RFTN1: variants seen among roughly 807,000 people sequenced by gnomAD.
RFTN1 encodes the protein raftlin, lipid raft linker 1.
Under a neutral mutation model 46.5 loss-of-function variants are expected in RFTN1, and 26 were observed. That is an observed-to-expected ratio of 0.56 (90% CI 0.41 to 0.78). RFTN1 has a LOEUF of 0.78. Ranked by LOEUF, RFTN1 falls within the 30% of genes least tolerant of loss-of-function variation. The pLI is 0.00. For missense variants in RFTN1, 693 were observed against 718.7 expected (o/e 0.96, Z 0.41); for synonymous variants, 261 against 284.2 (o/e 0.92, Z 0.82).
At position 16,334,481 on chromosome 3, in the gene RFTN1, A is replaced by G. The variant is rs2125259803; in HGVS notation, c.1147-7605T>C. ...CACTGGAGAGCGGTCTGCAGTAGCA[A>G]GACACTGGAAACTACTCAAGTGCCC... On this transcript the variant is annotated intron_variant, in intron 7 of 9. Transcript: ENST00000334133. This position sits in a 1 kb window ranked among gnomAD's most constrained non-coding sequence, Gnocchi z 4.3. Among the ~76,000 whole-genome samples the G allele has an allele frequency of 6.6e-6, 1 of 152,346 alleles. No homozygotes were observed. Among genetic ancestry groups the G allele is most frequent in the Middle Eastern group, 3.4e-3 (1 of 294 alleles).
intron 7 of RFTN1, among the ~76,000 whole-genome samples, chr3:16,350,862 A>G (rs9816331): frequency 0.018 from 2,742 of 152,328 alleles, 79 homozygotes; most frequent in African/African-American, 0.063. Context: ...CTGTGGCAAT[A>G]GAAGAAAAAA....
Position 16,481,129 on chromosome 3 carries a change from A to T in RFTN1, c.145+12596T>A, listed in dbSNP as rs1431757223. On this transcript the variant is annotated intron_variant, in intron 2 of 9. Coordinates refer to ENST00000334133, the MANE Select transcript of RFTN1 (RefSeq NM_015150.2). The surrounding 1 kb of genome is among the most constrained non-coding windows in gnomAD (Gnocchi z 5.1). ...TGAAGAGTTTTTACATTCAGAAAGG[A>T]ATGCAAAGGAATGTAAAGAATGCCT... Among the ~76,000 whole-genome samples the T allele has an allele frequency of 6.6e-6, 1 of 152,140 alleles. No individual in the cohort carries two copies. The highest frequency in any genetic ancestry group is 2.4e-5 in the African/African-American group (1 of 41,426).
intron 1 of RFTN1, among the ~76,000 whole-genome samples, chr3:16,505,697 G>A (rs187785855): frequency 8.8e-4 from 134 of 152,254 alleles, no homozygotes; most frequent in African/African-American, 3.2e-3. Context: ...AGGGTGATCT[G>A]CTTTACTCCA....
rs560967579 is a variant in RFTN1, at chr3:16,468,196, C to G, written c.145+25529G>C. 6.6e-6 allele frequency among the ~76,000 whole-genome samples: 1 copy of G among 152,196 alleles called. No individual in the cohort carries two copies. The highest frequency in any genetic ancestry group is 1.5e-5 in the Non-Finnish European group (1 of 68,030). On this transcript the variant is annotated intron_variant, in intron 2 of 9. Coordinates refer to ENST00000334133, the MANE Select transcript of RFTN1 (RefSeq NM_015150.2). The surrounding 1 kb of genome is among the most constrained non-coding windows in gnomAD (Gnocchi z 4.4). ...AGCACACTTCACTCTCTAGAAATTC[C>G]GTCGGCTTAATTTATGTGGCTCATT...
intron 3 of RFTN1, among the ~76,000 whole-genome samples, chr3:16,431,345 G>A (rs1379379920): frequency 5.3e-5 from 8 of 152,206 alleles, no homozygotes; most frequent in East Asian, 1.9e-4. Context: ...TGCGTGCCAC[G>A]GACCATCAGC....
rs566953563 is a variant in RFTN1, at chr3:16,381,313, T to C, written c.442-3211A>G. On this transcript the variant is annotated intron_variant, in intron 4 of 9. Coordinates refer to ENST00000334133, the MANE Select transcript of RFTN1 (RefSeq NM_015150.2). This position sits in a 1 kb window ranked among gnomAD's most constrained non-coding sequence, Gnocchi z 4.2. ...TTTACTTAAGGGGCATGGATGTTAC[T>C]TTTAGAATTGAAAAAGTAAATATTG... Among the ~76,000 whole-genome samples, 1 of 152,336 alleles carries C rather than the reference T, an allele frequency of 6.6e-6. No individual in the cohort carries two copies. Among genetic ancestry groups the C allele is most frequent in the Admixed American group, 6.5e-5 (1 of 15,304 alleles).
chr3:16,326,867 C>T lies in RFTN1; in HGVS notation c.1156G>A (p.Val386Met). ...EQWTVLEGVE[V>M]QTDYVPLLNS... Reference sequence around the variant, plus strand: ...AGCAGGGGCACGTAGTCTGTCTGCACTTCGACACCCTGGGGGAACAAGGCC... The same window carrying T: ...AGCAGGGGCACGTAGTCTGTCTGCATTTCGACACCCTGGGGGAACAAGGCC... Residue 386 changes from valine (V) to methionine (M), a missense_variant, in exon 8 of 10, where the codon GTG becomes ATG. Coordinates refer to ENST00000334133, the MANE Select transcript of RFTN1 (RefSeq NM_015150.2). The T allele has an allele frequency of 6.2e-7, 1 of 1,613,536 alleles. No homozygotes were observed. The highest frequency in any genetic ancestry group is 8.5e-7 in the Non-Finnish European group (1 of 1,179,826).
Position 16,446,753 on chromosome 3 carries a change from G to T in RFTN1, c.146-12716C>A, listed in dbSNP as rs566454683. ...AAACAAGAGATTTCCCAAAAAGTGCGGTACCCGAGGGTATGAGCACACTTG... is the reference window on the plus strand; with the variant it reads ...AAACAAGAGATTTCCCAAAAAGTGCTGTACCCGAGGGTATGAGCACACTTG... On this transcript the variant is annotated intron_variant, in intron 2 of 9. Coordinates refer to ENST00000334133, the MANE Select transcript of RFTN1 (RefSeq NM_015150.2). This position sits in a 1 kb window ranked among gnomAD's most constrained non-coding sequence, Gnocchi z 4.5. Among the ~76,000 whole-genome samples the T allele has an allele frequency of 6.6e-6, 1 of 152,076 alleles. No individual in the cohort carries two copies. The highest frequency in any genetic ancestry group is 2.4e-5 in the African/African-American group (1 of 41,416).
rs1004813974 is a variant in RFTN1 at position 16,484,393 on chromosome 3, C to T, written c.145+9332G>A. Among the ~76,000 whole-genome samples, 4 of 152,112 alleles carry T rather than the reference C, an allele frequency of 2.6e-5. No individual in the cohort carries two copies. Among genetic ancestry groups the T allele is most frequent in the African/African-American group, 7.2e-5 (3 of 41,430 alleles). The stretch of plus-strand genomic sequence containing the variant: ...TGTCATCCTGTTATTATCATGACCA[C>T]CCAAAATTTATATACAGAGTTTAAG... On this transcript the variant is annotated intron_variant, in intron 2 of 9. Transcript: ENST00000334133. The surrounding 1 kb of genome is among the most constrained non-coding windows in gnomAD (Gnocchi z 4.6).
At chr3:16,394,271 G>T (rs2074418731) in intron 4 of RFTN1, among the ~76,000 whole-genome samples, 1 of 152,106 alleles carries the variant, frequency 6.6e-6, no homozygotes, top group Non-Finnish European at 1.5e-5. Flanking sequence ...TAGCTGCTTG[G>T]GAGGCTGAGC....
intron 2 of RFTN1, among the ~76,000 whole-genome samples, chr3:16,462,484 C>T (rs1207220852): frequency 6.6e-6 from 1 of 152,138 alleles, no homozygotes; most frequent in Non-Finnish European, 1.5e-5. Flanking sequence ...CACATGGGTC[C>T]TTATAACAGA....
At position 16,422,595 on chromosome 3, in the gene RFTN1, C is replaced by T. The variant is rs140069617; in HGVS notation, c.332+11256G>A. Among the ~76,000 whole-genome samples, 1 of 151,698 alleles carries T rather than the reference C, an allele frequency of 6.6e-6. No individual in the cohort carries two copies. The highest frequency in any genetic ancestry group is 1.9e-4 in the East Asian group (1 of 5,130). On this transcript the variant is annotated intron_variant, in intron 3 of 9. Coordinates refer to ENST00000334133, the MANE Select transcript of RFTN1 (RefSeq NM_015150.2). This position sits in a 1 kb window ranked among gnomAD's most constrained non-coding sequence, Gnocchi z 4.6. ...GCAGTGAGCCGAGATTGTGCCACTG[C>T]ACTCCAGCCTGGTGACAAAGCGAGA...
At position 16,427,876 on chromosome 3, in the gene RFTN1, T is replaced by C. The variant is rs1230599018; in HGVS notation, c.332+5975A>G. On this transcript the variant is annotated intron_variant, in intron 3 of 9. Coordinates refer to ENST00000334133, the MANE Select transcript of RFTN1 (RefSeq NM_015150.2). This position sits in a 1 kb window ranked among gnomAD's most constrained non-coding sequence, Gnocchi z 5.4. Reference sequence around the variant, plus strand: ...GCCCTTCCCACTTTTTCACTCCCTATTCCAGTCTACCCATCATGCCCAACC... The same window carrying C: ...GCCCTTCCCACTTTTTCACTCCCTACTCCAGTCTACCCATCATGCCCAACC... 6.6e-6 allele frequency among the ~76,000 whole-genome samples: 1 copy of C among 152,116 alleles called. No individual in the cohort carries two copies. The highest frequency in any genetic ancestry group is 1.9e-4 in the East Asian group (1 of 5,178).
At position 16,353,287 on chromosome 3, in the gene RFTN1, G is replaced by C. The variant is rs761444438; in HGVS notation, c.1146+4645C>G. On this transcript the variant is annotated intron_variant, in intron 7 of 9. Coordinates refer to ENST00000334133, the MANE Select transcript of RFTN1 (RefSeq NM_015150.2). This position sits in a 1 kb window ranked among gnomAD's most constrained non-coding sequence, Gnocchi z 5.4. The stretch of plus-strand genomic sequence containing the variant: ...TAGCTGGGTCTCAAGGGTAGAAGAC[G>C]TGAGAGCTGGAAAAATGCCCCCAGC... Among the ~76,000 whole-genome samples, 4 of 152,226 alleles carry C rather than the reference G, an allele frequency of 2.6e-5. No homozygotes were observed. The highest frequency in any genetic ancestry group is 4.4e-5 in the Non-Finnish European group (3 of 68,036).
Position 16,374,980 on chromosome 3 carries a change from T to C in RFTN1, c.826+2738A>G, listed in dbSNP as rs1207924022. 1.3e-5 allele frequency among the ~76,000 whole-genome samples: 2 copies of C among 152,022 alleles called. No homozygotes were observed. Among genetic ancestry groups the C allele is most frequent in the East Asian group, 3.9e-4 (2 of 5,168 alleles). On this transcript the variant is annotated intron_variant, in intron 5 of 9. Coordinates refer to ENST00000334133, the MANE Select transcript of RFTN1 (RefSeq NM_015150.2). The surrounding 1 kb of genome is among the most constrained non-coding windows in gnomAD (Gnocchi z 5.4). ...CTGGAAAGTCCTGTCTGAGCAGGCA[T>C]TGCCTAGATTCCTCTCCCCAAGGCC...
chr3:16,507,162 A>T lies in RFTN1; in HGVS notation c.-9+6280T>A, dbSNP rs970026399. ...AAGGTAGGGTGAGTTACTATTTAAC[A>T]GGGCTCAGAAGAGCTCAGACACATA... On this transcript the variant is annotated intron_variant, in intron 1 of 9. Transcript: ENST00000334133. The surrounding 1 kb of genome is among the most constrained non-coding windows in gnomAD (Gnocchi z 7.1). 8.5e-5 allele frequency among the ~76,000 whole-genome samples: 13 copies of T among 152,226 alleles called. No individual in the cohort carries two copies. The highest frequency in any genetic ancestry group is 3.1e-4 in the African/African-American group (13 of 41,464).
Position 16,377,996 on chromosome 3 carries a change from C to T in RFTN1, c.548G>A (p.Ser183Asn), listed in dbSNP as rs1347758771. 1.2e-6 allele frequency: 2 copies of T among 1,614,148 alleles called. No individual in the cohort carries two copies. The highest frequency in any genetic ancestry group is 4.5e-5 in the East Asian group (2 of 44,902). The stretch of plus-strand genomic sequence containing the variant: ...TTTTGCATCTCTGGCATCCTCGGTG[C>T]TGTTGGCAGTAGACACCGGAGCACT... Reference protein sequence around the residue: ...GSSAPVSTANSTEDARDAKNA... With the variant: ...GSSAPVSTANNTEDARDAKNA... Residue 183 changes from serine (S) to asparagine (N), a missense_variant, in exon 5 of 10, where the codon AGC becomes AAC. Physicochemically the swap from Ser to Asn is conservative, Grantham distance 46 (BLOSUM62 1). Transcript: ENST00000334133.
intron 6 of RFTN1, among the ~76,000 whole-genome samples, chr3:16,362,491 T>C (rs1343433922): frequency 1.3e-5 from 2 of 152,090 alleles, no homozygotes; most frequent in Non-Finnish European, 2.9e-5. Context: ...TGGGTAACAC[T>C]CCAGGAGTCC....
chr3:16,419,785 G>A (rs1160043300), intron 3 of RFTN1, among the ~76,000 whole-genome samples: 1 of 152,184 alleles, frequency 6.6e-6, no homozygotes, highest in East Asian at 1.9e-4. Context: ...GAAGTAGGAA[G>A]CACAACGAAG....
Sources: allele counts gnomAD v4.1 joint callset (sites outside exome capture counted in the v4.1 genomes callset), GRCh38; gene constraint gnomAD v4.1.1; non-coding constraint Gnocchi (gnomAD v3.1); transcripts MANE v1.5; gene names NCBI Gene and HGNC (gene_info 2026-07-23, HGNC 2026-07-21).